GABRA5: variants seen among roughly 807,000 people sequenced by gnomAD.
The protein encoded by GABRA5 is gamma-aminobutyric acid receptor subunit alpha-5.
In GABRA5, 18 loss-of-function variants were observed where a neutral mutation model predicts 47.3. The ratio of observed to expected loss-of-function variants is 0.38; its 90% CI spans 0.26 to 0.56. The LOEUF (loss-of-function observed/expected upper bound fraction) is 0.56, where lower values mean the gene tolerates loss of function less well. GABRA5 is among the 20% of genes least tolerant of loss of function. The probability of loss-of-function intolerance (pLI) is 0.71; values close to 1 mark genes in which losing one functional copy is unlikely to be tolerated. For synonymous variants in GABRA5, 237 were observed against 229.3 expected, an observed-to-expected ratio of 1.03 and a Z score of -0.30; for missense variants, 365 against 599.3, an observed-to-expected ratio of 0.61 and a Z score of 4.08.
At chr15:26,933,779 C>G (rs1026951692) in intron 7 of GABRA5, among the ~76,000 whole-genome samples, 2 of 152,168 alleles carry the variant, frequency 1.3e-5, no homozygotes, top group Non-Finnish European at 1.5e-5. Flanking sequence ...TGGCCAAACC[C>G]CACTCACGTC....
At chr15:26,906,956 TTCC>T in intron 6 of GABRA5, among the ~76,000 whole-genome samples, 1 of 152,346 alleles carries the variant, frequency 6.6e-6, no homozygotes, top group African/African-American at 2.4e-5. Flanking sequence ...TACGATGGTT[TTCC>T]CAACATAAAT....
chr15:26,948,185 G>A lies in GABRA5; in HGVS notation c.1341G>A (p.Thr447=), dbSNP rs78631109. The A allele has an allele frequency of 2.9e-3, 4,745 of 1,613,552 alleles. 136 individuals carry two copies. In the African/African-American group the frequency reaches 0.057, roughly 19 times the overall value. Reference sequence around the variant, plus strand: ...CTTTCAACTTAGTTTACTGGGCAACGTATTTGAATAGGGAGCCGGTGATAA... The same window carrying A: ...CTTTCAACTTAGTTTACTGGGCAACATATTTGAATAGGGAGCCGGTGATAA... ...FGTFNLVYWA[T]YLNREPVIKG... Residue 447 remains threonine (T), a synonymous_variant, in exon 11 of 11, where the codon ACG becomes ACA. Coordinates refer to ENST00000335625, the MANE Select transcript of GABRA5 (RefSeq NM_000810.4).
intron 6 of GABRA5, among the ~76,000 whole-genome samples, chr15:26,889,809 AT>A (rs1892962339): frequency 1.3e-5 from 2 of 152,236 alleles, no homozygotes; most frequent in Admixed American, 1.3e-4. Flanking sequence ...TATGGTTATG[AT>A]AACACCAAGA....
chr15:26,883,586 C>CGGGGGGGGGGGGGGGGGGCG lies in GABRA5; in HGVS notation c.497+34_497+35insGGGGGGGGGGGGGCGGGGGG. On this transcript the variant is annotated intron_variant, in intron 6 of 10. Coordinates refer to ENST00000335625, the MANE Select transcript of GABRA5 (RefSeq NM_000810.4). This position sits in a 1 kb window ranked among gnomAD's most constrained non-coding sequence, Gnocchi z 4.8. ...AGCGCCGGGCGGGGGCGGGCGGGGC[C>CGGGGGGGGGGGGGGGGGGCG]GGGGGACGGTGCGGGGCAGGCGCGG... is the stretch of plus-strand genomic sequence containing the variant. The CGGGGGGGGGGGGGGGGGGCG allele has an allele frequency of 1.8e-6, 1 of 560,472 alleles. No individual in the cohort carries two copies. Among genetic ancestry groups the CGGGGGGGGGGGGGGGGGGCG allele is most frequent in the Admixed American group, 2.5e-5 (1 of 39,242 alleles). The allele number at this position is 560,472 out of a possible 1,614,324, so 34.7% of individuals were successfully genotyped here.
chr15:26,887,830 A>C (rs1194304304), intron 6 of GABRA5, among the ~76,000 whole-genome samples: 1 of 152,214 alleles, frequency 6.6e-6, no homozygotes, highest in Admixed American at 6.5e-5. Context: ...ACAGACTGAT[A>C]CGTGTATTCA....
rs369880748 is a variant in GABRA5, at chr15:26,885,920, G to A, written c.497+2363G>A. Reference sequence around the variant, plus strand: ...TGAGAATACACTCCTGGTCCTCGTCGGACTAGTGTTCTTGATTCTCATCCT... The same window carrying A: ...TGAGAATACACTCCTGGTCCTCGTCAGACTAGTGTTCTTGATTCTCATCCT... On this transcript the variant is annotated intron_variant, in intron 6 of 10. Coordinates refer to ENST00000335625, the MANE Select transcript of GABRA5 (RefSeq NM_000810.4). Among the ~76,000 whole-genome samples the A allele has an allele frequency of 7.9e-5, 12 of 152,210 alleles. No homozygotes were observed. The East Asian group carries it at 1.7e-3, about 22-fold the overall frequency.
At chr15:26,915,579 T>C (rs1893699677) in intron 7 of GABRA5, among the ~76,000 whole-genome samples, 1 of 152,188 alleles carries the variant, frequency 6.6e-6, no homozygotes, top group Non-Finnish European at 1.5e-5. Flanking sequence ...TGTTTAAAAA[T>C]ATTCTTGAAA....
intron 6 of GABRA5, among the ~76,000 whole-genome samples, chr15:26,888,846 T>C (rs577301740): frequency 6.6e-6 from 1 of 152,302 alleles, no homozygotes; most frequent in African/African-American, 2.4e-5. Context: ...TTTGGGCCCC[T>C]GGCAGGAGAG....
Position 26,883,029 on chromosome 15 carries a change from T to C in GABRA5, c.209-137T>C. ...TCGATTTCATCTGGTAATTGTCAAG[T>C]CCTCCAAATTTACCAAACGCACTGC... On this transcript the variant is annotated intron_variant, in intron 4 of 10. Transcript: ENST00000335625. The surrounding 1 kb of genome is among the most constrained non-coding windows in gnomAD (Gnocchi z 4.8). 2.7e-6 allele frequency: 2 copies of C among 738,310 alleles called. No individual in the cohort carries two copies. The highest frequency in any genetic ancestry group is 3.9e-5 in the Admixed American group (2 of 51,478). The allele number at this position is 738,310 out of a possible 1,614,324, so 45.7% of individuals were successfully genotyped here.
At chr15:26,914,412 C>T (rs992510258) in intron 6 of GABRA5, among the ~76,000 whole-genome samples, 3 of 152,148 alleles carry the variant, frequency 2.0e-5, no homozygotes, top group Admixed American at 6.5e-5. Context: ...ATTTATTCTA[C>T]ATTTATATTT....
At chr15:26,897,827 C>G (rs912247135) in intron 6 of GABRA5, among the ~76,000 whole-genome samples, 2 of 152,120 alleles carry the variant, frequency 1.3e-5, no homozygotes, top group African/African-American at 4.8e-5. Context: ...TGTCGAACAT[C>G]CCCTGTGTCT....
At chr15:26,868,456 C>G (rs1892381441) in intron 1 of GABRA5, among the ~76,000 whole-genome samples, 1 of 152,180 alleles carries the variant, frequency 6.6e-6, no homozygotes, top group South Asian at 2.1e-4. Context: ...CACCTATTTG[C>G]GTTATGCGCA....
chr15:26,919,297 A>G lies in GABRA5; in HGVS notation c.580+4412A>G, dbSNP rs562178246. Among the ~76,000 whole-genome samples the G allele has an allele frequency of 3.4e-4, 51 of 152,022 alleles. 1 individual carries two copies. The highest frequency in any genetic ancestry group is 1.2e-3 in the African/African-American group (50 of 41,486). ...TATTGGCATTTTGGTAATTGTTTCT[A>G]TTTGTCTTTTATCTATTGCTCCTCT... On this transcript the variant is annotated intron_variant, in intron 7 of 10. Transcript: ENST00000335625.
intron 6 of GABRA5, among the ~76,000 whole-genome samples, chr15:26,896,403 C>G (rs1171231295): frequency 6.6e-6 from 1 of 152,204 alleles, no homozygotes; most frequent in Admixed American, 6.5e-5. Flanking sequence ...CATCATTTGT[C>G]AGGCCAGAAA....
At chr15:26,909,595 C>T (rs1278969427) in intron 6 of GABRA5, among the ~76,000 whole-genome samples, 1 of 152,154 alleles carries the variant, frequency 6.6e-6, no homozygotes, top group East Asian at 1.9e-4. Flanking sequence ...TTGCCTCTTC[C>T]GGTTTCTAGA....
intron 10 of GABRA5, among the ~76,000 whole-genome samples, chr15:26,947,225 T>C (rs576382914): frequency 2.7e-4 from 41 of 152,330 alleles, no homozygotes; most frequent in African/African-American, 9.1e-4. Context: ...TTTTTTCTTT[T>C]ATTTTAGGTT....
intron 3 of GABRA5, 161 bp from the exon 4 acceptor site, chr15:26,880,685 G>C: frequency 1.7e-6 from 1 of 605,760 alleles, no homozygotes; most frequent in East Asian, 3.0e-5. Flanking sequence ...GAACTGAGGT[G>C]TATCAAGGCC....
intron 4 of GABRA5, among the ~76,000 whole-genome samples, chr15:26,881,516 G>T (rs1267273812): frequency 1.3e-5 from 2 of 152,180 alleles, no homozygotes; most frequent in Non-Finnish European, 1.5e-5. Flanking sequence ...GATGTAGATT[G>T]TTCTTGTAGG....
chr15:26,908,135 T>C (rs7172842), intron 6 of GABRA5, among the ~76,000 whole-genome samples: 6,200 of 152,276 alleles, frequency 0.041, 403 homozygotes, highest in African/African-American at 0.14. Context: ...TGCATGCATA[T>C]GTATTTCAGT....
Sources: gnomAD v4.1 joint callset for allele counts (sites outside exome capture counted in the v4.1 genomes callset) on GRCh38, gnomAD v4.1.1 for gene constraint, Gnocchi (gnomAD v3.1) non-coding constraint, MANE v1.5 for transcripts, NCBI Gene and HGNC (gene_info 2026-07-23, HGNC 2026-07-21) for gene names.